Variants in PIGU observed in about 807,000 individuals in gnomAD.
The protein encoded by PIGU is phosphatidylinositol glycan anchor biosynthesis class U, also known as GPI-anchor transamidase component PIGU.
PIGU carries 24 observed loss-of-function variants against 49.9 expected under a neutral mutation model. The observed-to-expected ratio is 0.48, with a 90% CI of 0.35 to 0.68. The LOEUF (loss-of-function observed/expected upper bound fraction) is 0.68, where lower values mean the gene tolerates loss of function less well. PIGU is among the 30% of genes least tolerant of loss of function. The pLI is 0.01. For missense variants in PIGU, 490 were observed against 532.6 expected (o/e 0.92, Z 0.79); for synonymous variants, 220 against 205.7 (o/e 1.07, Z -0.59).
chr20:34,592,405 G>A (rs1252362519), intron 7 of PIGU, among the ~76,000 whole-genome samples: 2 of 148,206 alleles, frequency 1.3e-5, no homozygotes, highest in Non-Finnish European at 3.0e-5. Flanking sequence ...AATGACTCAT[G>A]TTATTGATGG....
rs572749390 is a variant in PIGU, at chr20:34,613,702, C to T, written c.627+2340G>A. ...TAAATAGGAAATAAAAAAGAAAATACAAGCAGCACATTGTTATGTGGAAAA... is the reference window on the plus strand; with the variant it reads ...TAAATAGGAAATAAAAAAGAAAATATAAGCAGCACATTGTTATGTGGAAAA... On this transcript the variant is annotated intron_variant, in intron 7 of 11. Transcript: ENST00000217446. Among the ~76,000 whole-genome samples the T allele has an allele frequency of 4.6e-5, 7 of 152,266 alleles. No individual in the cohort carries two copies. The South Asian group carries it at 1.0e-3, about 23-fold the overall frequency.
At chr20:34,595,740 T>C (rs1392679270) in intron 7 of PIGU, among the ~76,000 whole-genome samples, 1 of 152,166 alleles carries the variant, frequency 6.6e-6, no homozygotes, top group Non-Finnish European at 1.5e-5. Context: ...ACTAACTATA[T>C]TACAAATTAA....
rs940712209 is a variant in PIGU, at chr20:34,656,733, T to C, written c.195+447A>G. On this transcript the variant is annotated intron_variant, in intron 2 of 11. Coordinates refer to ENST00000217446, the MANE Select transcript of PIGU (RefSeq NM_080476.5). The stretch of plus-strand genomic sequence containing the variant: ...GTGAACCGTGATTGTGTCACTGCAC[T>C]CTAGCCTGGGTGACAGAATAAGACC... Among the ~76,000 whole-genome samples the C allele has an allele frequency of 5.4e-5, 8 of 147,230 alleles. No individual in the cohort carries two copies. The South Asian group carries it at 1.7e-3, about 31-fold the overall frequency.
chr20:34,611,353 A>G (rs928211428), intron 7 of PIGU, among the ~76,000 whole-genome samples: 2 of 151,820 alleles, frequency 1.3e-5, no homozygotes, highest in African/African-American at 4.9e-5. Context: ...TAAATTTACA[A>G]GAAAAAAAAC....
At chr20:34,572,457 G>A (rs1983054011) in intron 11 of PIGU, among the ~76,000 whole-genome samples, 1 of 152,002 alleles carries the variant, frequency 6.6e-6, no homozygotes, top group African/African-American at 2.4e-5. Flanking sequence ...GACCAGCCTA[G>A]CTAATGTGGT....
chr20:34,580,679 G>A (rs1002844305), intron 10 of PIGU, among the ~76,000 whole-genome samples: 1 of 152,146 alleles, frequency 6.6e-6, no homozygotes, highest in African/African-American at 2.4e-5. Flanking sequence ...TTAAAAACCC[G>A]CTCCACAAAT....
chr20:34,643,539 T>C (rs1434904915), intron 4 of PIGU: 2 of 152,260 alleles, frequency 1.3e-5, no homozygotes, highest in Non-Finnish European at 2.9e-5. Context: ...AGGAGTGTTG[T>C]AGCCATTTAA....
intron 10 of PIGU, among the ~76,000 whole-genome samples, chr20:34,575,849 A>C (rs1186589584): frequency 6.6e-6 from 1 of 152,214 alleles, no homozygotes; most frequent in East Asian, 1.9e-4. Context: ...CTCTAAGGGA[A>C]TGCCGAATCC....
At chr20:34,641,129 G>A (rs994605802) in intron 4 of PIGU, among the ~76,000 whole-genome samples, 40 of 152,170 alleles carry the variant, frequency 2.6e-4, no homozygotes, top group African/African-American at 9.2e-4. Context: ...AGTTTCACCA[G>A]GCTGGTCTTG....
intron 7 of PIGU, among the ~76,000 whole-genome samples, chr20:34,614,558 G>C (rs1487156991): frequency 6.6e-6 from 1 of 151,400 alleles, no homozygotes; most frequent in Non-Finnish European, 1.5e-5. Flanking sequence ...CTGGGAGATG[G>C]AGGCTGCAGT....
chr20:34,651,886 T>G (rs1447772314), intron 2 of PIGU, among the ~76,000 whole-genome samples: 2 of 152,026 alleles, frequency 1.3e-5, no homozygotes. Flanking sequence ...GGAGGATCAC[T>G]TGAGGCCAGG....
intron 11 of PIGU, among the ~76,000 whole-genome samples, chr20:34,566,013 T>C (rs1228111928): frequency 4.9e-5 from 7 of 144,260 alleles, no homozygotes; most frequent in Non-Finnish European, 7.6e-5. Context: ...TAGACACACA[T>C]GCTCACACAC....
chr20:34,624,598 A>T lies in PIGU; in HGVS notation c.530-8459T>A, dbSNP rs543146699. On this transcript the variant is annotated intron_variant, in intron 6 of 11. Coordinates refer to ENST00000217446, the MANE Select transcript of PIGU (RefSeq NM_080476.5). ...TGACAAACACCAATGGTGAAAAAGC[A>T]GGACCATCTATTAGCATCTGTTTGT... Among the ~76,000 whole-genome samples, 17 of 152,368 alleles carry T rather than the reference A, an allele frequency of 1.1e-4. No homozygotes were observed. The South Asian group carries it at 3.5e-3, about 32-fold the overall frequency.
chr20:34,641,422 A>G (rs1357817665), intron 4 of PIGU, among the ~76,000 whole-genome samples: 2 of 152,168 alleles, frequency 1.3e-5, no homozygotes, highest in Non-Finnish European at 2.9e-5. Context: ...TTTATCATCC[A>G]TTATCAAACC....
intron 7 of PIGU, among the ~76,000 whole-genome samples, chr20:34,597,866 C>A (rs897543967): frequency 1.3e-5 from 2 of 152,082 alleles, no homozygotes; most frequent in Non-Finnish European, 2.9e-5. Context: ...GCAAGCCATA[C>A]ATATGTGGTA....
chr20:34,574,911 C>T (rs774784423), intron 11 of PIGU, among the ~76,000 whole-genome samples, 193 bp downstream of exon 11: 38 of 152,190 alleles, frequency 2.5e-4, no homozygotes, highest in Non-Finnish European at 4.6e-4. Context: ...GTGCCCAATA[C>T]ATATCTGCCA....
intron 2 of PIGU, among the ~76,000 whole-genome samples, chr20:34,648,240 A>T (rs1413408736): frequency 1.4e-5 from 2 of 139,928 alleles, no homozygotes; most frequent in Non-Finnish European, 3.0e-5. Context: ...CAACAAAGTG[A>T]GACCCTGTCT....
intron 7 of PIGU, among the ~76,000 whole-genome samples, chr20:34,590,577 GTAACATAACA>G (rs10544376): frequency 0.02 from 2,760 of 140,630 alleles, 36 homozygotes; most frequent in South Asian, 0.047. Flanking sequence ...ATAGCGTAAC[GTAACATAACA>G]TAACATAACA....
intron 5 of PIGU, 79 bp downstream of exon 5, chr20:34,637,797 A>C (rs1568652359): frequency 6.9e-6 from 11 of 1,584,498 alleles, no homozygotes; most frequent in Non-Finnish European, 8.5e-6. Context: ...CCAAAAATAC[A>C]ACAAACAACA....
Sources: gnomAD v4.1 joint callset for allele counts (sites outside exome capture counted in the v4.1 genomes callset) on GRCh38, gnomAD v4.1.1 for gene constraint, MANE v1.5 for transcripts, NCBI Gene and HGNC (gene_info 2026-07-23, HGNC 2026-07-21) for gene names.